UGT1A8: variants seen among roughly 807,000 people sequenced by gnomAD.
UGT1A8 encodes the protein UDP-glucuronosyltransferase 1A8.
In UGT1A8, 39 loss-of-function variants were observed where a neutral mutation model predicts 45.3. The observed-to-expected ratio is 0.86, with a 90% CI of 0.67 to 1.12. The LOEUF is 1.12. UGT1A8 is among the 50% of genes most tolerant of loss of function. UGT1A8 has a pLI of 0.00. For missense variants in UGT1A8, 719 were observed against 664.9 expected, an observed-to-expected ratio of 1.08 and a Z score of -0.90; for synonymous variants, 275 against 249.2, an observed-to-expected ratio of 1.10 and a Z score of -0.97.
At chr2:233,672,841 A>C (rs774561388) in intron 1 of UGT1A8, 1 of 1,554,616 alleles carries the variant, frequency 6.4e-7, no homozygotes, top group Non-Finnish European at 8.7e-7. Flanking sequence ...TTGGAAATTA[A>C]AAAAGGATTC....
chr2:233,629,962 A>G (rs928036036), intron 1 of UGT1A8, among the ~76,000 whole-genome samples: 1 of 152,060 alleles, frequency 6.6e-6, no homozygotes, highest in East Asian at 1.9e-4. Flanking sequence ...TGTAGAATCT[A>G]TGGTGATACC....
chr2:233,713,607 A>T (rs1428471201), intron 1 of UGT1A8: 6 of 1,613,982 alleles, frequency 3.7e-6, no homozygotes. Flanking sequence ...AGACCACATG[A>T]CATTCCTGCA....
At chr2:233,693,977 T>TG in intron 1 of UGT1A8, 1 of 1,559,130 alleles carries the variant, frequency 6.4e-7, no homozygotes, top group Non-Finnish European at 8.7e-7. Context: ...GGAGAAACGG[T>TG]GGGGGGAAGT....
At chr2:233,638,582 T>G (rs906574155) in intron 1 of UGT1A8, among the ~76,000 whole-genome samples, 1 of 152,200 alleles carries the variant, frequency 6.6e-6, no homozygotes, top group Non-Finnish European at 1.5e-5. Context: ...GAAAAATCCT[T>G]GAAAAATACC....
intron 1 of UGT1A8, chr2:233,760,220 G>T (rs1697349973): frequency 6.3e-7 from 1 of 1,593,686 alleles, no homozygotes; most frequent in Admixed American, 1.7e-5. Context: ...TTGGTGTATC[G>T]ATTGGTTTTT....
chr2:233,766,902 T>C, intron 1 of UGT1A8, 132 bp from the exon 2 acceptor site: 1 of 1,493,390 alleles, frequency 6.7e-7, no homozygotes, highest in Non-Finnish European at 8.9e-7. Flanking sequence ...ATTAATAATT[T>C]TTTACTCTAT....
At chr2:233,729,184 C>T (rs1420145173) in intron 1 of UGT1A8, 1 of 1,613,974 alleles carries the variant, frequency 6.2e-7, no homozygotes, top group East Asian at 2.2e-5. Context: ...GCTGCTTCTC[C>T]TCAGTGTCCA....
intron 1 of UGT1A8, among the ~76,000 whole-genome samples, chr2:233,762,877 CTT>C (rs1394473755): frequency 6.6e-6 from 1 of 152,136 alleles, no homozygotes; most frequent in East Asian, 1.9e-4. Flanking sequence ...GGTTTCTTCT[CTT>C]ATAAATTCCA....
intron 1 of UGT1A8, among the ~76,000 whole-genome samples, chr2:233,634,039 T>C (rs543828078): frequency 6.6e-6 from 1 of 152,352 alleles, no homozygotes; most frequent in Admixed American, 6.5e-5. Flanking sequence ...AAAGAACTTA[T>C]TTATTTCTGC....
chr2:233,729,091 G>T (rs745755811), intron 1 of UGT1A8: 4 of 1,612,602 alleles, frequency 2.5e-6, no homozygotes, highest in African/African-American at 2.7e-5. Flanking sequence ...GGCACAGCGT[G>T]GGGTGGACAG....
rs2126036602 is a variant in UGT1A8 at position 233,768,050 on chromosome 2, C to G, written c.1075+114C>G. On this transcript the variant is annotated intron_variant, in intron 3 of 4. Transcript: ENST00000373450. ...TTGAAAATATTATGGCCAACATATC[C>G]TACATTGCTTTTTATCTAGTGGGGT... 3 of 1,606,318 alleles carry G rather than the reference C, an allele frequency of 1.9e-6. No individual in the cohort carries two copies. In the Middle Eastern group the frequency reaches 5.0e-4, roughly 265 times the overall value.
chr2:233,703,889 T>C (rs2125594145), intron 1 of UGT1A8, among the ~76,000 whole-genome samples: 1 of 152,182 alleles, frequency 6.6e-6, no homozygotes, highest in East Asian at 1.9e-4. Flanking sequence ...ACCATCATTT[T>C]TTTCTTTTCT....
At chr2:233,713,549 GT>G (rs1302335966) in intron 1 of UGT1A8, 3 of 1,613,868 alleles carry the variant, frequency 1.9e-6, no homozygotes, top group Non-Finnish European at 2.5e-6. Context: ...AGGGCACACA[GT>G]GTCCAAACCC....
In UGT1A8 at chr2:233,618,572, C is replaced by T. The variant is rs755707432; in HGVS notation, c.855+10C>T. 6.2e-7 allele frequency: 1 copy of T among 1,610,726 alleles called. No homozygotes were observed. The highest frequency in any genetic ancestry group is 1.7e-5 in the Admixed American group (1 of 59,896). ...AAAGCCATTGCCTATGGTAAGTCAC[C>T]TCTCCTTTAGCACATTAGGAATAAT... is the stretch of plus-strand genomic sequence containing the variant. On this transcript the variant is annotated intron_variant, in intron 1 of 4. Transcript: ENST00000373450.
intron 1 of UGT1A8, among the ~76,000 whole-genome samples, chr2:233,722,820 A>AT (rs1013250134): frequency 4.0e-5 from 6 of 148,234 alleles, no homozygotes; most frequent in Non-Finnish European, 9.0e-5. Context: ...TTTTCAAGTT[A>AT]TTTTGTATTA....
Position 233,772,516 on chromosome 2 carries a change from A to T in UGT1A8, c.1550A>T (p.Lys517Ile). The T allele has an allele frequency of 1.2e-6, 2 of 1,614,208 alleles. No individual in the cohort carries two copies. Among genetic ancestry groups the T allele is most frequent in the Non-Finnish European group, 1.7e-6 (2 of 1,180,034 alleles). Reference protein sequence around the residue: ...CAYGYRKCLGKKGRVKKAHKS... With the variant: ...CAYGYRKCLGIKGRVKKAHKS... ...TATGGCTACCGGAAATGCTTGGGGAAAAAAGGGCGAGTTAAGAAAGCCCAC... is the reference window on the plus strand; with the variant it reads ...TATGGCTACCGGAAATGCTTGGGGATAAAAGGGCGAGTTAAGAAAGCCCAC... The change falls in exon 5 of 5, where the codon AAA becomes ATA. Residue 517 changes from lysine (K) to isoleucine (I), a missense_variant. By Grantham distance (102) the Lys-to-Ile change is moderately radical. Transcript: ENST00000373450.
At chr2:233,640,274 C>T (rs1383182684) in intron 1 of UGT1A8, among the ~76,000 whole-genome samples, 1 of 152,096 alleles carries the variant, frequency 6.6e-6, no homozygotes, top group Non-Finnish European at 1.5e-5. Context: ...AAATAATTTT[C>T]AGTGTTTTGC....
intron 1 of UGT1A8, chr2:233,672,242 G>C (rs555995846): frequency 1.2e-6 from 2 of 1,614,052 alleles, no homozygotes; most frequent in African/African-American, 1.3e-5. Context: ...GCACAAGTAC[G>C]AAGTATATAT....
Position 233,769,484 on chromosome 2 carries a change from T to C in UGT1A8, c.1295+1045T>C, listed in dbSNP as rs774504306. 6.2e-6 allele frequency: 10 copies of C among 1,612,518 alleles called. No homozygotes were observed. The South Asian group carries it at 9.9e-5, about 16-fold the overall frequency. Reference sequence around the variant, plus strand: ...ATATGCGTGTGTGTGTGTGTGCGTGTGTTTATGAGAGTGTCCATTGCTTTC... The same window carrying C: ...ATATGCGTGTGTGTGTGTGTGCGTGCGTTTATGAGAGTGTCCATTGCTTTC... On this transcript the variant is annotated intron_variant, in intron 4 of 4. Coordinates refer to ENST00000373450, the MANE Select transcript of UGT1A8 (RefSeq NM_019076.5). This position sits in a 1 kb window ranked among gnomAD's most constrained non-coding sequence, Gnocchi z 4.4.
Sources: gnomAD v4.1 joint callset for allele counts (sites outside exome capture counted in the v4.1 genomes callset) on GRCh38, gnomAD v4.1.1 for gene constraint, Gnocchi (gnomAD v3.1) non-coding constraint, MANE v1.5 for transcripts, NCBI Gene and HGNC (gene_info 2026-07-23, HGNC 2026-07-21) for gene names.